The following LRRC4C variants were observed in gnomAD, a reference collection of about 807,000 sequenced individuals.
The protein encoded by LRRC4C is leucine-rich repeat-containing protein 4C.
Under a neutral mutation model 33.6 loss-of-function variants are expected in LRRC4C, and 5 were observed. That is an observed-to-expected ratio of 0.15 (90% CI 0.08 to 0.31). The LOEUF (loss-of-function observed/expected upper bound fraction) is 0.31. Among genes scored for constraint, LRRC4C ranks in the 10% least tolerant of loss-of-function variants. LRRC4C has a pLI of 1.00. For missense variants in LRRC4C, 560 were observed against 796.7 expected (o/e 0.70, Z 3.58); for synonymous variants, 329 against 302.0 (o/e 1.09, Z -0.93).
At chr11:41,140,015 CA>C (rs1835825772) in intron 1 of LRRC4C, among the ~76,000 whole-genome samples, 1 of 152,126 alleles carries the variant, frequency 6.6e-6, no homozygotes, top group Non-Finnish European at 1.5e-5. Context: ...GATGTTTTAG[CA>C]GAGTGAAAAT....
intron 3 of LRRC4C, among the ~76,000 whole-genome samples, chr11:40,370,359 G>T (rs1162955831): frequency 6.6e-6 from 1 of 152,128 alleles, no homozygotes; most frequent in Non-Finnish European, 1.5e-5. Context: ...GGTACAGGAG[G>T]TTCTTTTCAT....
intron 5 of LRRC4C, among the ~76,000 whole-genome samples, chr11:40,239,201 C>A (rs957162388): frequency 1.3e-5 from 2 of 152,122 alleles, no homozygotes; most frequent in African/African-American, 2.4e-5. Flanking sequence ...ATTTCAATTT[C>A]TTTCAGCTCT....
chr11:40,727,035 T>A (rs1350610217), intron 2 of LRRC4C, among the ~76,000 whole-genome samples: 1 of 152,128 alleles, frequency 6.6e-6, no homozygotes, highest in East Asian at 1.9e-4. Context: ...TAGAAATGCA[T>A]TTAACCAAGA....
Position 40,965,746 on chromosome 11 carries a change from G to C in LRRC4C, c.-495-32023C>G, listed in dbSNP as rs546071229. Reference sequence around the variant, plus strand: ...GGTCTATATCTCTGTTTTGGTACCAGGACCATGCTGTTTTGGTTACTGTAG... The same window carrying C: ...GGTCTATATCTCTGTTTTGGTACCACGACCATGCTGTTTTGGTTACTGTAG... On this transcript the variant is annotated intron_variant, in intron 1 of 6. Transcript: ENST00000528697. Among the ~76,000 whole-genome samples, 20 of 152,208 alleles carry C rather than the reference G, an allele frequency of 1.3e-4. No individual in the cohort carries two copies. The Middle Eastern group carries it at 0.014, about 104-fold the overall frequency.
In LRRC4C at chr11:41,304,688, G is replaced by A. The variant is rs1427059246; in HGVS notation, c.-496+154743C>T. 4.4e-5 allele frequency among the ~76,000 whole-genome samples: 4 copies of A among 90,110 alleles called. 1 individual carries two copies. Among genetic ancestry groups the A allele is most frequent in the African/African-American group, 1.7e-4 (4 of 23,004 alleles). 59.1% of individuals were successfully genotyped at this position (90,110 alleles called of 152,430 possible). On this transcript the variant is annotated intron_variant, in intron 1 of 6. Transcript: ENST00000528697. ...AGGGAGGTTGGGGGGTCAGCCCCCC[G>A]CCCGGCCAGCCACCCCGTCCGGGAG...
chr11:40,287,256 ATGTGTGTGTGTGTGTGTGTGTGTG>A (rs5791367), intron 4 of LRRC4C, among the ~76,000 whole-genome samples: 1 of 144,770 alleles, frequency 6.9e-6, no homozygotes, highest in Non-Finnish European at 1.5e-5. Flanking sequence ...ATGTCACTGT[ATGTGTGTGTGTGTGTGTGTGTGTG>A]TGTGTGTGTG....
chr11:41,146,464 T>C (rs570818220), intron 1 of LRRC4C, among the ~76,000 whole-genome samples: 4 of 152,182 alleles, frequency 2.6e-5, no homozygotes, highest in Non-Finnish European at 5.9e-5. Flanking sequence ...TCTGCTACTA[T>C]AGAGAAAAAC....
rs542440372 is a variant in LRRC4C at position 40,178,472 on chromosome 11, A to G, written c.-95-37619T>C. ...GAGCAGACCTATCCATTTGCTGCTTAAGCTTAGGGTAAGCTAGAAAGTTAG... is the reference window on the plus strand; with the variant it reads ...GAGCAGACCTATCCATTTGCTGCTTGAGCTTAGGGTAAGCTAGAAAGTTAG... On this transcript the variant is annotated intron_variant, in intron 5 of 6. Transcript: ENST00000528697. Among the ~76,000 whole-genome samples the G allele has an allele frequency of 3.9e-5, 6 of 152,294 alleles. No homozygotes were observed. The Middle Eastern group carries it at 0.01, about 259-fold the overall frequency.
At chr11:40,876,319 G>A (rs1021100854) in intron 2 of LRRC4C, among the ~76,000 whole-genome samples, 4 of 128,456 alleles carry the variant, frequency 3.1e-5, no homozygotes, top group African/African-American at 8.8e-5. Context: ...TGAAAGCCGA[G>A]ACAGGTGATC....
intron 2 of LRRC4C, among the ~76,000 whole-genome samples, chr11:40,824,452 T>A (rs1952073204): frequency 6.6e-6 from 1 of 151,720 alleles, no homozygotes; most frequent in African/African-American, 2.4e-5. Context: ...TTCATCCATA[T>A]GTAAAATAGG....
At chr11:40,952,882 ACACACACACACACACT>A (rs755007628) in intron 1 of LRRC4C, among the ~76,000 whole-genome samples, 9,075 of 113,114 alleles carry the variant, frequency 0.08, 219 homozygotes, top group Non-Finnish European at 0.1. Flanking sequence ...ACACACACAC[ACACACACACACACACT>A]CTCTCTCTCT....
chr11:40,978,298 C>A (rs1183068031), intron 1 of LRRC4C, among the ~76,000 whole-genome samples: 1 of 152,120 alleles, frequency 6.6e-6, no homozygotes, highest in African/African-American at 2.4e-5. Context: ...GAAAAACAAA[C>A]CTTTAAATTC....
intron 1 of LRRC4C, among the ~76,000 whole-genome samples, chr11:41,281,499 G>A (rs1302514429): frequency 1.3e-5 from 2 of 152,150 alleles, no homozygotes; most frequent in Non-Finnish European, 2.9e-5. Context: ...CTTGTCACTG[G>A]ACGAGAAAAA....
At chr11:41,157,771 T>C (rs1039183278) in intron 1 of LRRC4C, among the ~76,000 whole-genome samples, 2 of 152,124 alleles carry the variant, frequency 1.3e-5, no homozygotes, top group Admixed American at 1.3e-4. Flanking sequence ...TTAAATTTTG[T>C]GGGTATATAG....
intron 2 of LRRC4C, among the ~76,000 whole-genome samples, chr11:40,793,752 A>G (rs1009086555): frequency 2.0e-5 from 3 of 152,214 alleles, no homozygotes; most frequent in African/African-American, 7.2e-5. Flanking sequence ...AAGATATTAT[A>G]GCATTGGATA....
At chr11:40,913,918 AC>A (rs1311894513) in intron 2 of LRRC4C, among the ~76,000 whole-genome samples, 1 of 152,124 alleles carries the variant, frequency 6.6e-6, no homozygotes, top group African/African-American at 2.4e-5. Context: ...TACTATAAAC[AC>A]CTCTATGCAA....
rs1045171720 is a variant in LRRC4C, at chr11:41,063,889, T to C, written c.-495-130166A>G. 3.3e-5 allele frequency among the ~76,000 whole-genome samples: 5 copies of C among 152,184 alleles called. No individual in the cohort carries two copies. In the East Asian group the frequency reaches 9.6e-4, roughly 29 times the overall value. On this transcript the variant is annotated intron_variant, in intron 1 of 6. Coordinates refer to ENST00000528697, the MANE Select transcript of LRRC4C (RefSeq NM_001258419.2). Reference sequence around the variant, plus strand: ...TCAGATCATAGTAAGTGGTGGAAGATATGCTGCTGCCTTGGACAAAGGTCA... The same window carrying C: ...TCAGATCATAGTAAGTGGTGGAAGACATGCTGCTGCCTTGGACAAAGGTCA...
At chr11:40,673,451 T>C (rs1944234054) in intron 2 of LRRC4C, among the ~76,000 whole-genome samples, 1 of 152,144 alleles carries the variant, frequency 6.6e-6, no homozygotes, top group Non-Finnish European at 1.5e-5. Flanking sequence ...CATACATCAC[T>C]TCACTAGCTT....
intron 5 of LRRC4C, among the ~76,000 whole-genome samples, chr11:40,151,402 C>T (rs920848377): frequency 5.3e-5 from 8 of 152,136 alleles, no homozygotes; most frequent in South Asian, 2.1e-4. Flanking sequence ...ACACCCAGTA[C>T]GTAAGCCTCT....
Sources: gnomAD v4.1 joint callset for allele counts (sites outside exome capture counted in the v4.1 genomes callset) on GRCh38, gnomAD v4.1.1 for gene constraint, MANE v1.5 for transcripts, NCBI Gene and HGNC (gene_info 2026-07-23, HGNC 2026-07-21) for gene names.